Variants in NCEH1 observed in about 807,000 individuals in gnomAD.
NCEH1 encodes the protein 2-acetyl MAGE hydrolase.
A neutral mutation model predicts 25.4 loss-of-function variants in NCEH1; 9 were observed. The ratio of observed to expected loss-of-function variants is 0.35; its 90% CI spans 0.21 to 0.62. The LOEUF (loss-of-function observed/expected upper bound fraction) is 0.62, where lower values mean the gene tolerates loss of function less well. Ranked by LOEUF, NCEH1 falls within the 20% of genes least tolerant of loss-of-function variation. The pLI, the probability that NCEH1 is intolerant of heterozygous loss-of-function variation, is 0.72. For missense variants in NCEH1, 412 were observed against 501.1 expected (o/e 0.82, Z 1.70); for synonymous variants, 200 against 199.8 (o/e 1.00, Z -0.01).
chr3:172,647,113 TA>T (rs200065742), intron 2 of NCEH1, among the ~76,000 whole-genome samples: 163 of 151,782 alleles, frequency 1.1e-3, no homozygotes, highest in African/African-American at 3.5e-3. Context: ...TTGTTGCTTT[TA>T]AAAAAAAATC....
rs574652515 is a variant in NCEH1, at chr3:172,673,512, T to C, written c.139-25398A>G. 2.0e-3 allele frequency among the ~76,000 whole-genome samples: 300 copies of C among 152,394 alleles called. 1 individual carries two copies. Among genetic ancestry groups the C allele is most frequent in the African/African-American group, 6.7e-3 (280 of 41,598 alleles). ...TATACTGACTCCAAGTATGCTTTCC[T>C]GATTTTCCATGCTCATGCTGCCATT... On this transcript the variant is annotated intron_variant, in intron 1 of 4. Coordinates refer to ENST00000475381, the MANE Select transcript of NCEH1 (RefSeq NM_020792.6).
intron 1 of NCEH1, among the ~76,000 whole-genome samples, chr3:172,697,290 C>G (rs1205816390): frequency 6.6e-6 from 1 of 152,050 alleles, no homozygotes; most frequent in Non-Finnish European, 1.5e-5. Context: ...GTAGCTATAG[C>G]CCCCAGGTAA....
chr3:172,687,725 C>T (rs1712777030), intron 1 of NCEH1, among the ~76,000 whole-genome samples: 3 of 152,140 alleles, frequency 2.0e-5, no homozygotes, highest in Non-Finnish European at 4.4e-5. Context: ...GGCAATTTTT[C>T]AAGAGAAGTA....
At chr3:172,683,876 T>G (rs1712548365) in intron 1 of NCEH1, among the ~76,000 whole-genome samples, 1 of 152,196 alleles carries the variant, frequency 6.6e-6, no homozygotes, top group Non-Finnish European at 1.5e-5. Context: ...TAAAGAAATA[T>G]AAGCATAAGG....
intron 1 of NCEH1, among the ~76,000 whole-genome samples, chr3:172,700,481 C>T (rs758290176): frequency 1.4e-4 from 21 of 152,122 alleles, no homozygotes; most frequent in Admixed American, 6.5e-5. Flanking sequence ...TATTGCAGTT[C>T]CCATTTCGCC....
chr3:172,638,001 C>T (rs777212750), intron 3 of NCEH1, among the ~76,000 whole-genome samples: 1 of 151,984 alleles, frequency 6.6e-6, no homozygotes, highest in African/African-American at 2.4e-5. Context: ...GAGCTGAGAT[C>T]GAAAGAACAA....
chr3:172,674,208 G>A (rs1251242900), intron 1 of NCEH1, among the ~76,000 whole-genome samples: 4 of 152,130 alleles, frequency 2.6e-5, no homozygotes, highest in African/African-American at 9.7e-5. Context: ...TTGGGAGGAC[G>A]AGGCAGGCAG....
At chr3:172,704,730 C>T (rs1049630553) in intron 1 of NCEH1, among the ~76,000 whole-genome samples, 1 of 152,222 alleles carries the variant, frequency 6.6e-6, no homozygotes, top group Non-Finnish European at 1.5e-5. Context: ...TACAGGTAGG[C>T]ACGTTGGCTT....
At chr3:172,678,385 G>A (rs1712135619) in intron 1 of NCEH1, among the ~76,000 whole-genome samples, 1 of 152,202 alleles carries the variant, frequency 6.6e-6, no homozygotes, top group Non-Finnish European at 1.5e-5. Context: ...GGAAGTCACT[G>A]GCTGTTGGGA....
At chr3:172,635,153 ACT>A (rs1421963484) in intron 4 of NCEH1, among the ~76,000 whole-genome samples, 1 of 152,102 alleles carries the variant, frequency 6.6e-6, no homozygotes, top group Non-Finnish European at 1.5e-5. Flanking sequence ...CTGAGCCAAG[ACT>A]CTCTTCTGAC....
chr3:172,668,598 A>G, intron 1 of NCEH1, among the ~76,000 whole-genome samples: 1 of 151,916 alleles, frequency 6.6e-6, no homozygotes, highest in Non-Finnish European at 1.5e-5. Context: ...CTATAGCTTC[A>G]GCCTTCATCA....
intron 1 of NCEH1, among the ~76,000 whole-genome samples, chr3:172,661,126 A>C (rs1005752572): frequency 6.6e-6 from 1 of 152,194 alleles, no homozygotes; most frequent in Non-Finnish European, 1.5e-5. Flanking sequence ...TTATGTCTTT[A>C]ATACATCTTG....
chr3:172,658,167 G>A (rs1166522694), intron 1 of NCEH1, among the ~76,000 whole-genome samples: 1 of 152,186 alleles, frequency 6.6e-6, no homozygotes, highest in African/African-American at 2.4e-5. Context: ...AGTGACCTCT[G>A]GTGGTCCTCA....
intron 1 of NCEH1, among the ~76,000 whole-genome samples, chr3:172,666,819 G>C (rs982155844): frequency 2.0e-5 from 3 of 152,110 alleles, no homozygotes; most frequent in Non-Finnish European, 4.4e-5. Context: ...TTGAATGTGT[G>C]GGAATTTTTA....
At position 172,660,283 on chromosome 3, in the gene NCEH1, T is replaced by C. The variant is rs528211459; in HGVS notation, c.139-12169A>G. 2.0e-5 allele frequency among the ~76,000 whole-genome samples: 3 copies of C among 152,322 alleles called. No homozygotes were observed. In the South Asian group the frequency reaches 6.2e-4, roughly 32 times the overall value. ...GAATGATGGTTTCCAGCTTCATCCA[T>C]GTCCCTACAAAGGACATGAACTCAT... On this transcript the variant is annotated intron_variant, in intron 1 of 4. Transcript: ENST00000475381.
chr3:172,690,306 T>C (rs1023630606), intron 1 of NCEH1, among the ~76,000 whole-genome samples: 6 of 152,216 alleles, frequency 3.9e-5, no homozygotes, highest in Non-Finnish European at 8.8e-5. Context: ...TGCAAAGTGA[T>C]ATGCAATAAA....
At position 172,683,715 on chromosome 3, in the gene NCEH1, T is replaced by C. The variant is rs556201119; in HGVS notation, c.138+27132A>G. Among the ~76,000 whole-genome samples the C allele has an allele frequency of 2.0e-4, 31 of 152,234 alleles. No individual in the cohort carries two copies. In the East Asian group the frequency reaches 5.6e-3, roughly 28 times the overall value. ...AAAGTAGTTAAGGATCAATCAGACT[T>C]GGTAAAATATAAATAAAGGTGTGCA... On this transcript the variant is annotated intron_variant, in intron 1 of 4. Coordinates refer to ENST00000475381, the MANE Select transcript of NCEH1 (RefSeq NM_020792.6).
At chr3:172,655,158 A>G (rs1577063274) in intron 1 of NCEH1, among the ~76,000 whole-genome samples, 2 of 152,216 alleles carry the variant, frequency 1.3e-5, no homozygotes, top group South Asian at 4.1e-4. Flanking sequence ...TAGCTGGGAA[A>G]TCCAGGAACA....
At chr3:172,691,639 A>G (rs905397802) in intron 1 of NCEH1, among the ~76,000 whole-genome samples, 2 of 152,296 alleles carry the variant, frequency 1.3e-5, no homozygotes, top group East Asian at 3.8e-4. Context: ...AAGAACTGGC[A>G]AATGAGGGTA....
Sources: allele counts gnomAD v4.1 joint callset (sites outside exome capture counted in the v4.1 genomes callset), GRCh38; gene constraint gnomAD v4.1.1; transcripts MANE v1.5; gene names NCBI Gene and HGNC (gene_info 2026-07-23, HGNC 2026-07-21).